The following ROBO1 variants were observed in gnomAD, a reference collection of about 807,000 sequenced individuals.
ROBO1 encodes roundabout homolog 1.
A neutral mutation model predicts 195.9 loss-of-function variants in ROBO1; 149 were observed. The ratio of observed to expected loss-of-function variants is 0.76; its 90% CI spans 0.67 to 0.87. ROBO1 has a LOEUF of 0.87. Ranked by LOEUF, ROBO1 falls within the 40% of genes least tolerant of loss-of-function variation. The probability of loss-of-function intolerance (pLI) is 0.00; values close to 1 mark genes in which losing one functional copy is unlikely to be tolerated. For synonymous variants in ROBO1, 816 were observed against 733.2 expected (o/e 1.11, Z -1.82); for missense variants, 1,933 against 2,068.3 (o/e 0.93, Z 1.27).
At chr3:79,036,339 T>C (rs2078380955) in intron 3 of ROBO1, among the ~76,000 whole-genome samples, 1 of 152,168 alleles carries the variant, frequency 6.6e-6, no homozygotes, top group South Asian at 2.1e-4. Flanking sequence ...TGTGAATTTA[T>C]TCATCTTTTC....
At chr3:78,971,975 C>A (rs980200498) in intron 3 of ROBO1, among the ~76,000 whole-genome samples, 1 of 152,170 alleles carries the variant, frequency 6.6e-6, no homozygotes, top group Admixed American at 6.6e-5. Flanking sequence ...ACTATGTTGG[C>A]CAGGCTGGTC....
chr3:79,560,186 T>A (rs947627730), intron 2 of ROBO1, among the ~76,000 whole-genome samples: 2 of 151,698 alleles, frequency 1.3e-5, no homozygotes, highest in African/African-American at 4.8e-5. Context: ...ATATACACCA[T>A]GGAATACTAT....
At chr3:79,589,553 A>C (rs1420111158) in intron 2 of ROBO1, among the ~76,000 whole-genome samples, 2 of 151,756 alleles carry the variant, frequency 1.3e-5, no homozygotes, top group African/African-American at 4.8e-5. Context: ...TAATTCACTT[A>C]GTTAATATAA....
chr3:79,177,157 A>C (rs2108719338), intron 2 of ROBO1, among the ~76,000 whole-genome samples: 1 of 152,328 alleles, frequency 6.6e-6, no homozygotes, highest in Middle Eastern at 3.4e-3. Flanking sequence ...CACTCCTAGC[A>C]TCTCTAGGCA....
chr3:79,502,993 C>A (rs1284170686), intron 2 of ROBO1, among the ~76,000 whole-genome samples: 3 of 152,114 alleles, frequency 2.0e-5, no homozygotes, highest in Non-Finnish European at 2.9e-5. Flanking sequence ...ATGTGGGTGG[C>A]ACCAGATAAG....
chr3:79,203,853 C>A (rs2081814138), intron 2 of ROBO1, among the ~76,000 whole-genome samples: 1 of 152,088 alleles, frequency 6.6e-6, no homozygotes, highest in Non-Finnish European at 1.5e-5. Flanking sequence ...CCATCTTATA[C>A]TGAGTTTATT....
At chr3:79,084,942 T>A (rs951251092) in intron 3 of ROBO1, among the ~76,000 whole-genome samples, 4 of 152,142 alleles carry the variant, frequency 2.6e-5, no homozygotes, top group African/African-American at 9.7e-5. Flanking sequence ...TATAAAATTA[T>A]AAATTAATTT....
intron 2 of ROBO1, among the ~76,000 whole-genome samples, chr3:79,568,321 G>A (rs1014806663): frequency 6.6e-6 from 1 of 152,160 alleles, no homozygotes; most frequent in South Asian, 2.1e-4. Context: ...AAGGAAAATT[G>A]ATTTGAATGT....
chr3:79,078,283 G>A (rs1011785193), intron 3 of ROBO1, among the ~76,000 whole-genome samples: 1 of 151,620 alleles, frequency 6.6e-6, no homozygotes, highest in Admixed American at 6.6e-5. Flanking sequence ...TAATTGAGGG[G>A]CTACTAAACT....
At chr3:79,625,695 C>A (rs1165706146) in intron 1 of ROBO1, among the ~76,000 whole-genome samples, 1 of 151,958 alleles carries the variant, frequency 6.6e-6, no homozygotes, top group East Asian at 1.9e-4. Context: ...ATAACAAGTT[C>A]TGAAGTTAAG....
At chr3:79,492,427 GAAA>G (rs57495210) in intron 2 of ROBO1, among the ~76,000 whole-genome samples, 2 of 109,542 alleles carry the variant, frequency 1.8e-5, no homozygotes, top group African/African-American at 7.1e-5. Flanking sequence ...CTCTGTTTCA[GAAA>G]AAAAAAAAAA....
chr3:79,716,839 T>G (rs2107267997), intron 1 of ROBO1, among the ~76,000 whole-genome samples: 1 of 152,136 alleles, frequency 6.6e-6, no homozygotes, highest in Non-Finnish European at 1.5e-5. Context: ...ATTTTAAAAA[T>G]GATTCGATGA....
chr3:78,673,574 A>ATGTG, intron 10 of ROBO1, among the ~76,000 whole-genome samples: 1 of 42,204 alleles, frequency 2.4e-5, no homozygotes, highest in Non-Finnish European at 4.6e-5. Context: ...ATATATATAT[A>ATGTG]TATATATATA....
intron 3 of ROBO1, among the ~76,000 whole-genome samples, chr3:78,978,593 C>T (rs965214896): frequency 4.6e-5 from 7 of 152,064 alleles, no homozygotes; most frequent in African/African-American, 1.2e-4. Context: ...AGGTGAAGGA[C>T]TTTCCCTAAT....
intron 1 of ROBO1, among the ~76,000 whole-genome samples, chr3:79,664,426 A>T (rs1946416990): frequency 6.6e-6 from 1 of 152,048 alleles, no homozygotes; most frequent in African/African-American, 2.4e-5. Flanking sequence ...CCTCTATGTA[A>T]CATACAGTCT....
chr3:79,151,040 G>A (rs2080759233), intron 2 of ROBO1, among the ~76,000 whole-genome samples: 1 of 151,756 alleles, frequency 6.6e-6, no homozygotes, highest in South Asian at 2.1e-4. Context: ...TGTTCACGTG[G>A]TAATGAATAG....
intron 2 of ROBO1, among the ~76,000 whole-genome samples, chr3:79,350,069 A>T (rs1485823506): frequency 1.3e-5 from 2 of 152,242 alleles, no homozygotes; most frequent in African/African-American, 4.8e-5. Context: ...TTTAGAGTAC[A>T]TAAATAACAA....
chr3:78,660,532 T>G (rs989415090), intron 16 of ROBO1: 2 of 152,848 alleles, frequency 1.3e-5, no homozygotes, highest in Non-Finnish European at 2.9e-5. Flanking sequence ...TTTACCTTTA[T>G]GTAAATATTG....
At chr3:78,681,302 G>A (rs963377630) in intron 10 of ROBO1, among the ~76,000 whole-genome samples, 1 of 151,888 alleles carries the variant, frequency 6.6e-6, no homozygotes, top group Non-Finnish European at 1.5e-5. Context: ...CCTGCACATT[G>A]TGCACATGTA....
Sources: gnomAD v4.1 joint callset for allele counts (sites outside exome capture counted in the v4.1 genomes callset) on GRCh38, gnomAD v4.1.1 for gene constraint, MANE v1.5 for transcripts, NCBI Gene and HGNC (gene_info 2026-07-23, HGNC 2026-07-21) for gene names.